ACOT7: variants seen among roughly 807,000 people sequenced by gnomAD.
The protein encoded by ACOT7 is acyl-CoA thioesterase 7.
In ACOT7, 12 loss-of-function variants were observed where a neutral mutation model predicts 40.2. That is an observed-to-expected ratio of 0.30 (90% CI 0.19 to 0.48). The LOEUF is 0.48. Among genes scored for constraint, ACOT7 ranks in the 20% least tolerant of loss-of-function variants. The pLI is 0.99. For synonymous variants in ACOT7, 228 were observed against 219.5 expected, an observed-to-expected ratio of 1.04 and a Z score of -0.34; for missense variants, 395 against 530.8, an observed-to-expected ratio of 0.74 and a Z score of 2.51.
intron 2 of ACOT7, among the ~76,000 whole-genome samples, chr1:6,344,780 A>G (rs1394126380): frequency 3.3e-5 from 5 of 151,090 alleles, no homozygotes; most frequent in African/African-American, 7.3e-5. Flanking sequence ...AAAAAAAAAA[A>G]AAAAAAAAAA....
chr1:6,375,091 C>T (rs1642201442), intron 1 of ACOT7, among the ~76,000 whole-genome samples: 1 of 149,662 alleles, frequency 6.7e-6, no homozygotes, highest in South Asian at 2.1e-4. Context: ...TCCTGGCTAA[C>T]ACTGTGAAGC....
intron 1 of ACOT7, 151 bp downstream of exon 1, chr1:6,393,106 G>A: frequency 1.1e-6 from 1 of 889,384 alleles, no homozygotes; most frequent in Non-Finnish European, 1.4e-6. Context: ...CGGCCGGGCG[G>A]GCGTCCGGGG....
rs1641179081 is a variant in ACOT7, at chr1:6,338,760, G to A, written c.418+673C>T. 6.6e-6 allele frequency among the ~76,000 whole-genome samples: 1 copy of A among 152,132 alleles called. No individual in the cohort carries two copies. The highest frequency in any genetic ancestry group is 1.5e-5 in the Non-Finnish European group (1 of 68,028). Reference sequence around the variant, plus strand: ...CATGGGAGGACTGGTGACCTGGGAGGTGGCAGGGAGAGGACCAGGGGCAGG... The same window carrying A: ...CATGGGAGGACTGGTGACCTGGGAGATGGCAGGGAGAGGACCAGGGGCAGG... On this transcript the variant is annotated intron_variant, in intron 3 of 8. Transcript: ENST00000361521. The surrounding 1 kb of genome is among the most constrained non-coding windows in gnomAD (Gnocchi z 4.4).
intron 2 of ACOT7, among the ~76,000 whole-genome samples, chr1:6,343,725 C>T (rs1045492710): frequency 8.5e-5 from 13 of 152,244 alleles, no homozygotes; most frequent in Admixed American, 3.3e-4. Flanking sequence ...GTCTGCAAGA[C>T]CTAAAAGTGG....
At position 6,393,312 on chromosome 1, in the gene ACOT7, C is replaced by CTGCGGCGGCGGA. The variant is rs1642566236; in HGVS notation, c.76_87dup (p.Ser26_Ala29dup). ...ACGTCTGGGCCCGACATGCTGGGGG[C>CTGCGGCGGCGGA]TGCGGCGGCGGATGCGGCGGGCGGC... On this transcript the variant is annotated inframe_insertion, in exon 1 of 9. Transcript: ENST00000361521. 7.8e-7 allele frequency: 1 copy of CTGCGGCGGCGGA among 1,281,370 alleles called. No homozygotes were observed. Among genetic ancestry groups the CTGCGGCGGCGGA allele is most frequent in the Non-Finnish European group, 9.9e-7 (1 of 1,014,012 alleles). The allele number at this position is 1,281,370 out of a possible 1,614,324, so 79.4% of individuals were successfully genotyped here.
At chr1:6,314,927 CCAT>C (rs111718590) in intron 6 of ACOT7, among the ~76,000 whole-genome samples, 9,941 of 151,718 alleles carry the variant, frequency 0.066, 960 homozygotes, top group African/African-American at 0.21. Context: ...TGCACACACA[CCAT>C]CATCAACCCT....
At chr1:6,307,398 G>T (rs1039360912) in intron 6 of ACOT7, among the ~76,000 whole-genome samples, 4 of 152,238 alleles carry the variant, frequency 2.6e-5, no homozygotes, top group African/African-American at 9.6e-5. Context: ...CAGGCCCTGC[G>T]CTAAGTGGGA....
chr1:6,276,443 T>TGGCAGCTGCCCGGAGCGGGTGC (rs1639191572), intron 8 of ACOT7, among the ~76,000 whole-genome samples: 1 of 151,916 alleles, frequency 6.6e-6, no homozygotes, highest in African/African-American at 2.4e-5. Flanking sequence ...CGGGAAGTGC[T>TGGCAGCTGCCCGGAGCGGGTGC]GGCAGCTGCC....
In ACOT7 at chr1:6,323,738, ATAT is replaced by A. The variant is rs1353844415; in HGVS notation, c.625+3558_625+3560del. Among the ~76,000 whole-genome samples, 122 of 33,526 alleles carry A rather than the reference ATAT, an allele frequency of 3.6e-3. 3 individuals are homozygous for A. Among genetic ancestry groups the A allele is most frequent in the African/African-American group, 0.011 (114 of 10,124 alleles). 22.0% of individuals were successfully genotyped at this position (33,526 alleles called of 152,430 possible). A position where few individuals can be genotyped will look rare whatever the true frequency, so the allele number is the denominator to read the frequency against. On this transcript the variant is annotated intron_variant, in intron 5 of 8. Transcript: ENST00000361521. ...TCTCAAAAAAAAAAAAAAAAAAAAA[ATAT>A]ATATATATATATATATATATATATA... is the stretch of plus-strand genomic sequence containing the variant.
rs1429105586 is a variant in ACOT7 at position 6,264,387 on chromosome 1, G to T, written c.*210C>A. 1 of 590,086 alleles carries T rather than the reference G, an allele frequency of 1.7e-6. No homozygotes were observed. The highest frequency in any genetic ancestry group is 3.0e-6 in the Non-Finnish European group (1 of 334,806). 36.6% of individuals were successfully genotyped at this position (590,086 alleles called of 1,614,324 possible). A position where few individuals can be genotyped will look rare whatever the true frequency, so the allele number is the denominator to read the frequency against. ...GCCTCCCGGCGCTCGGGACAACACTGTGTAGCATTGATACTGGAATGATAT... is the reference window on the plus strand; with the variant it reads ...GCCTCCCGGCGCTCGGGACAACACTTTGTAGCATTGATACTGGAATGATAT... On this transcript the variant is annotated 3_prime_UTR_variant, in exon 9 of 9. Transcript: ENST00000361521.
intron 8 of ACOT7, among the ~76,000 whole-genome samples, chr1:6,267,116 A>C (rs890349491): frequency 6.6e-6 from 1 of 152,150 alleles, no homozygotes; most frequent in Non-Finnish European, 1.5e-5. Flanking sequence ...AGCAGGAGAG[A>C]GCGAGCCTGG....
intron 8 of ACOT7, among the ~76,000 whole-genome samples, chr1:6,277,153 C>T (rs984391907): frequency 2.6e-5 from 4 of 152,224 alleles, no homozygotes; most frequent in Admixed American, 6.5e-5. Context: ...GAGTGGGGAA[C>T]GTGAGGCACA....
chr1:6,393,099 C>A (rs1467699205), intron 1 of ACOT7, among the ~76,000 whole-genome samples, 158 bp downstream of exon 1: 1 of 150,672 alleles, frequency 6.6e-6, no homozygotes, highest in Non-Finnish European at 1.5e-5. Flanking sequence ...CGCATCCCGG[C>A]CGGGCGGGCG....
At chr1:6,344,783 AAAAAAAAG>A (rs1412510334) in intron 2 of ACOT7, among the ~76,000 whole-genome samples, 43 of 149,982 alleles carry the variant, frequency 2.9e-4, no homozygotes, top group African/African-American at 9.7e-4. Context: ...AAAAAAAAAA[AAAAAAAAG>A]AAAAGAAGAA....
At position 6,393,569 on chromosome 1, in the gene ACOT7, T is replaced by C. The variant is rs1162866059; in HGVS notation, c.-170A>G. Reference sequence around the variant, plus strand: ...GAGAGCTCGCGCGGGCGTACGATTCTGGCGGCGTGGGGGCCCAGGCAGCCG... The same window carrying C: ...GAGAGCTCGCGCGGGCGTACGATTCCGGCGGCGTGGGGGCCCAGGCAGCCG... On this transcript the variant is annotated 5_prime_UTR_variant, in exon 1 of 9. Transcript: ENST00000361521. 3.8e-6 allele frequency: 2 copies of C among 523,342 alleles called. No homozygotes were observed. The highest frequency in any genetic ancestry group is 5.6e-6 in the Non-Finnish European group (2 of 357,418). 32.4% of individuals were successfully genotyped at this position (523,342 alleles called of 1,614,324 possible).
In ACOT7 at chr1:6,319,263, G is replaced by T. The variant is rs139837293; in HGVS notation, c.626-685C>A. 3.6e-3 allele frequency among the ~76,000 whole-genome samples: 549 copies of T among 152,322 alleles called. 3 individuals carry two copies. The highest frequency in any genetic ancestry group is 0.013 in the African/African-American group (530 of 41,564). ...GCTGAAGTGCAGTGGCACAATCTCAGCTCACTGTAGCCTCCGCCTCCTGGG... is the reference window on the plus strand; with the variant it reads ...GCTGAAGTGCAGTGGCACAATCTCATCTCACTGTAGCCTCCGCCTCCTGGG... On this transcript the variant is annotated intron_variant, in intron 5 of 8. Coordinates refer to ENST00000361521, the MANE Select transcript of ACOT7 (RefSeq NM_007274.4).
At chr1:6,283,963 C>T (rs1255458178) in intron 7 of ACOT7, among the ~76,000 whole-genome samples, 1 of 152,158 alleles carries the variant, frequency 6.6e-6, no homozygotes, top group Non-Finnish European at 1.5e-5. Context: ...CCACTGCACT[C>T]TAGCCTGGGT....
chr1:6,389,977 T>A (rs560547968), intron 1 of ACOT7, among the ~76,000 whole-genome samples: 2 of 152,254 alleles, frequency 1.3e-5, no homozygotes, highest in African/African-American at 4.8e-5. Context: ...AGTAAAGCAT[T>A]GTTAAATTCA....
At chr1:6,279,923 C>T (rs373253626) in intron 8 of ACOT7, among the ~76,000 whole-genome samples, 2 of 152,188 alleles carry the variant, frequency 1.3e-5, no homozygotes, top group Admixed American at 6.5e-5. Flanking sequence ...TGTGGGGAAG[C>T]GACAGGCCGT....
Sources: gnomAD v4.1 joint callset for allele counts (sites outside exome capture counted in the v4.1 genomes callset) on GRCh38, gnomAD v4.1.1 for gene constraint, Gnocchi (gnomAD v3.1) non-coding constraint, MANE v1.5 for transcripts, NCBI Gene and HGNC (gene_info 2026-07-23, HGNC 2026-07-21) for gene names.